Variants in ABCA13 observed in about 807,000 individuals in gnomAD.
ABCA13 encodes ATP-binding cassette sub-family A member 13.
Under a neutral mutation model 478.7 loss-of-function variants are expected in ABCA13, and 476 were observed. That is an observed-to-expected ratio of 0.99 (90% CI 0.92 to 1.07). The LOEUF (loss-of-function observed/expected upper bound fraction) is 1.07, where lower values mean the gene tolerates loss of function less well. Ranked by LOEUF, ABCA13 falls within the 50% of genes least tolerant of loss-of-function variation. The probability of loss-of-function intolerance (pLI) is 0.00; values close to 1 mark genes in which losing one functional copy is unlikely to be tolerated. For missense variants in ABCA13, 6,060 were observed against 5,910.6 expected (o/e 1.03, Z -0.83); for synonymous variants, 2,252 against 2,158.9 (o/e 1.04, Z -1.20).
intron 39 of ABCA13, among the ~76,000 whole-genome samples, chr7:48,407,279 G>A (rs1057360136): frequency 1.1e-4 from 17 of 151,866 alleles, no homozygotes; most frequent in Admixed American, 4.6e-4. Context: ...TTCGAGACCA[G>A]CCTGACCAAC....
chr7:48,346,987 G>A (rs1808215534), intron 29 of ABCA13, among the ~76,000 whole-genome samples: 1 of 152,064 alleles, frequency 6.6e-6, no homozygotes, highest in Non-Finnish European at 1.5e-5. Context: ...GGCTATAATT[G>A]CCCATAAGAA....
At chr7:48,522,096 G>C (rs1254671095) in intron 53 of ABCA13, among the ~76,000 whole-genome samples, 1 of 152,150 alleles carries the variant, frequency 6.6e-6, no homozygotes, top group Non-Finnish European at 1.5e-5. Flanking sequence ...CCGTGTTTCT[G>C]TTACGCCCTC....
At chr7:48,204,826 G>T (rs1256848380) in intron 3 of ABCA13, among the ~76,000 whole-genome samples, 2 of 152,212 alleles carry the variant, frequency 1.3e-5, no homozygotes, top group African/African-American at 4.8e-5. Context: ...AACTCCGGAT[G>T]GGTCTGGGGT....
At position 48,278,867 on chromosome 7, in the gene ABCA13, TG is replaced by T. The variant is rs1796642890; in HGVS notation, c.7674del (p.Tyr2559IlefsTer12). 1 of 1,613,542 alleles carries T rather than the reference TG, an allele frequency of 6.2e-7. No homozygotes were observed. The highest frequency in any genetic ancestry group is 2.2e-5 in the East Asian group (1 of 44,872). ...TKDSVKFFDT[L>X]YSIMQQSVQN... Reference sequence around the variant, plus strand: ...GACAGTGTGAAATTCTTTGACACTCTGTATTCCATCATGCAACAAAGTGTTC... The same window carrying T: ...GACAGTGTGAAATTCTTTGACACTCTTATTCCATCATGCAACAAAGTGTTC... On this transcript the variant is annotated frameshift_variant, in exon 18 of 62. Coordinates refer to ENST00000435803, the MANE Select transcript of ABCA13 (RefSeq NM_152701.5). LOFTEE classifies it high-confidence loss of function.
intron 59 of ABCA13, among the ~76,000 whole-genome samples, chr7:48,639,951 AT>A (rs1794987381): frequency 6.6e-6 from 1 of 152,176 alleles, no homozygotes; most frequent in African/African-American, 2.4e-5. Flanking sequence ...TTATGTGCTC[AT>A]TATTTTAGAA....
intron 55 of ABCA13, among the ~76,000 whole-genome samples, chr7:48,576,295 T>C (rs1440267221): frequency 6.6e-6 from 1 of 152,036 alleles, no homozygotes; most frequent in Admixed American, 6.6e-5. Context: ...CCAGGATCAG[T>C]AGGAACACAT....
At chr7:48,350,575 A>G in intron 29 of ABCA13, 68 bp from the exon 30 acceptor site, 3 of 1,418,082 alleles carry the variant, frequency 2.1e-6, no homozygotes, top group South Asian at 1.7e-5. Context: ...CACAATCTCC[A>G]CTATATGAGT....
In ABCA13 at chr7:48,623,147, G is replaced by A. The variant is rs371996380; in HGVS notation, c.14837+7770G>A. 2.0e-5 allele frequency among the ~76,000 whole-genome samples: 3 copies of A among 152,166 alleles called. No individual in the cohort carries two copies. The South Asian group carries it at 6.2e-4, about 32-fold the overall frequency. On this transcript the variant is annotated intron_variant, in intron 59 of 61. Transcript: ENST00000435803. ...AAACTCTCGCTGCATCTTCAATGGTGTCTGCACCAGCAACTCTCTCTTGTT... is the reference window on the plus strand; with the variant it reads ...AAACTCTCGCTGCATCTTCAATGGTATCTGCACCAGCAACTCTCTCTTGTT...
rs11286722 is a variant in ABCA13 at position 48,551,618 on chromosome 7, CTT to C, written c.14354+23284_14354+23285del. ...CAAATAAATTCGTATGTATTGCACTCTTTTTTTTTTTTAAGATATATGTCTGT... is the reference window on the plus strand; with the variant it reads ...CAAATAAATTCGTATGTATTGCACTCTTTTTTTTTTAAGATATATGTCTGT... On this transcript the variant is annotated intron_variant, in intron 55 of 61. Transcript: ENST00000435803. Among the ~76,000 whole-genome samples the C allele has an allele frequency of 8.5e-4, 125 of 147,278 alleles. 3 individuals are homozygous for C. The highest frequency in any genetic ancestry group is 1.3e-3 in the African/African-American group (52 of 40,500).
chr7:48,630,171 A>C (rs1794049741), intron 59 of ABCA13, among the ~76,000 whole-genome samples: 1 of 152,048 alleles, frequency 6.6e-6, no homozygotes, highest in African/African-American at 2.4e-5. Flanking sequence ...ATTTTTAAAA[A>C]ATTTTAGTTT....
chr7:48,611,939 G>A (rs970175123), intron 58 of ABCA13: 50 of 152,150 alleles, frequency 3.3e-4, no homozygotes, highest in African/African-American at 1.2e-3. Flanking sequence ...AATATATAAA[G>A]CATATTTGGA....
In ABCA13 at chr7:48,245,601, GAGCTGAAAC is replaced by G; in HGVS notation, c.1483_1491del (p.Leu495_Gln497del). 1.9e-6 allele frequency: 3 copies of G among 1,610,304 alleles called. No homozygotes were observed. Among genetic ancestry groups the G allele is most frequent in the Non-Finnish European group, 2.5e-6 (3 of 1,178,780 alleles). ...ACTGGAAAAGGATGTGTTCTTTTGG[GAGCTGAAAC>G]AGGTAAAGCACAACAAATAATTATA... On this transcript the variant is annotated inframe_deletion and splice_region_variant, in exon 12 of 62. Coordinates refer to ENST00000435803, the MANE Select transcript of ABCA13 (RefSeq NM_152701.5).
chr7:48,243,705 T>C (rs1443480035), intron 10 of ABCA13, among the ~76,000 whole-genome samples: 1 of 152,212 alleles, frequency 6.6e-6, no homozygotes, highest in East Asian at 1.9e-4. Context: ...ACTATCAAGA[T>C]GCCATGAAGA....
Position 48,242,348 on chromosome 7 carries a change from C to A in ABCA13, c.1262+1282C>A, listed in dbSNP as rs543200377. Among the ~76,000 whole-genome samples the A allele has an allele frequency of 2.6e-5, 4 of 152,124 alleles. No individual in the cohort carries two copies. The South Asian group carries it at 8.3e-4, about 32-fold the overall frequency. On this transcript the variant is annotated intron_variant, in intron 10 of 61. Coordinates refer to ENST00000435803, the MANE Select transcript of ABCA13 (RefSeq NM_152701.5). ...AGCTAGGATAGCCCACATTCTTCTG[C>A]CCCCATATAAAATTTCCACACATTC...
chr7:48,411,028 T>C (rs1037500251), intron 40 of ABCA13, among the ~76,000 whole-genome samples: 2 of 117,422 alleles, frequency 1.7e-5, no homozygotes, highest in African/African-American at 6.3e-5. Flanking sequence ...TCTTTCTTTC[T>C]TTCTTTCTTT....
At chr7:48,610,112 T>G (rs79975312) in intron 58 of ABCA13, among the ~76,000 whole-genome samples, 8,254 of 152,218 alleles carry the variant, frequency 0.054, 260 homozygotes, top group South Asian at 0.099. Context: ...CTGAGAAAAG[T>G]CAAGGCCCTT....
chr7:48,405,860 T>A (rs997788009), intron 39 of ABCA13, among the ~76,000 whole-genome samples: 1 of 152,058 alleles, frequency 6.6e-6, no homozygotes, highest in Non-Finnish European at 1.5e-5. Flanking sequence ...ATTTTTTTTG[T>A]CTTTGGAGGA....
intron 15 of ABCA13, among the ~76,000 whole-genome samples, chr7:48,264,873 AT>A (rs1455405946): frequency 6.6e-6 from 1 of 151,602 alleles, no homozygotes; most frequent in African/African-American, 2.4e-5. Flanking sequence ...GGTTGCAAAG[AT>A]TTTTGCCTAT....
In ABCA13 at chr7:48,275,956, TA is replaced by T; in HGVS notation, c.6292del (p.Thr2098LeufsTer16). 6.2e-7 allele frequency: 1 copy of T among 1,613,710 alleles called. No homozygotes were observed. On this transcript the variant is annotated frameshift_variant, in exon 17 of 62. Transcript: ENST00000435803. LOFTEE classifies it high-confidence loss of function. ...KSINSMALQK[I>X]TLQFAHFLEI... ...ATAAATTCAATGGCTCTTCAAAAGA[TA>T]ACTTTGCAGTTTGCCCATTTCCTGG...
Sources: allele counts gnomAD v4.1 joint callset (sites outside exome capture counted in the v4.1 genomes callset), GRCh38; gene constraint gnomAD v4.1.1; transcripts MANE v1.5; gene names NCBI Gene and HGNC (gene_info 2026-07-23, HGNC 2026-07-21).